SEMA3E: variants seen among roughly 807,000 people sequenced by gnomAD.
SEMA3E encodes semaphorin 3E, also known as semaphorin-3E.
SEMA3E carries 49 observed loss-of-function variants against 93.6 expected under a neutral mutation model. That is an observed-to-expected ratio of 0.52 (90% CI 0.42 to 0.66). The LOEUF is 0.66. SEMA3E is among the 30% of genes least tolerant of loss of function. SEMA3E has a pLI of 0.00. For missense variants in SEMA3E, 906 were observed against 964.8 expected, an observed-to-expected ratio of 0.94 and a Z score of 0.81; for synonymous variants, 363 against 330.7, an observed-to-expected ratio of 1.10 and a Z score of -1.06.
Position 83,408,348 on chromosome 7 carries a change from A to G in SEMA3E, c.670+20T>C, listed in dbSNP as rs746490516. ...AGTTGATTTCAATCCTAATTCACATACTCTTTTCCTCATCCTTACCTTTCA... is the reference window on the plus strand; with the variant it reads ...AGTTGATTTCAATCCTAATTCACATGCTCTTTTCCTCATCCTTACCTTTCA... On this transcript the variant is annotated intron_variant, in intron 6 of 16. Coordinates refer to ENST00000643230, the MANE Select transcript of SEMA3E (RefSeq NM_012431.3). The G allele has an allele frequency of 3.1e-6, 5 of 1,613,154 alleles. No individual in the cohort carries two copies. The highest frequency in any genetic ancestry group is 4.2e-6 in the Non-Finnish European group (5 of 1,179,614).
chr7:83,464,992 A>G (rs1240198135), intron 4 of SEMA3E, among the ~76,000 whole-genome samples: 5 of 140,408 alleles, frequency 3.6e-5, no homozygotes, highest in Admixed American at 7.6e-5. Flanking sequence ...GCACGTATAC[A>G]CCCAGATGGC....
chr7:83,443,032 C>A (rs1440838803), intron 4 of SEMA3E, among the ~76,000 whole-genome samples: 1 of 152,112 alleles, frequency 6.6e-6, no homozygotes, highest in African/African-American at 2.4e-5. Context: ...AGAGAAGAGA[C>A]TGTTGGAACT....
chr7:83,563,574 G>A (rs996506734), intron 1 of SEMA3E, among the ~76,000 whole-genome samples: 1 of 152,158 alleles, frequency 6.6e-6, no homozygotes, highest in African/African-American at 2.4e-5. Context: ...AAACTTTGGA[G>A]TGGGGCCCAG....
At chr7:83,623,122 A>G (rs970311877) in intron 1 of SEMA3E, among the ~76,000 whole-genome samples, 2 of 152,196 alleles carry the variant, frequency 1.3e-5, no homozygotes, top group African/African-American at 4.8e-5. Context: ...TTACCAAAAT[A>G]TCTTCTCATT....
chr7:83,387,100 C>G, intron 14 of SEMA3E, 50 bp from the exon 15 acceptor site: 2 of 1,510,396 alleles, frequency 1.3e-6, no homozygotes, highest in Non-Finnish European at 1.8e-6. Context: ...ATTTTCCAGA[C>G]TTTAAAATGC....
intron 2 of SEMA3E, among the ~76,000 whole-genome samples, chr7:83,471,556 A>G (rs2115900119): frequency 6.6e-6 from 1 of 152,166 alleles, no homozygotes; most frequent in Admixed American, 6.5e-5. Flanking sequence ...AGTTCATGCT[A>G]GGTGGCTGTA....
intron 1 of SEMA3E, among the ~76,000 whole-genome samples, chr7:83,615,678 C>T (rs1391416877): frequency 6.6e-6 from 1 of 152,100 alleles, no homozygotes; most frequent in African/African-American, 2.4e-5. Context: ...TTGCACCTAT[C>T]ACCCATACTT....
intron 1 of SEMA3E, among the ~76,000 whole-genome samples, chr7:83,508,263 CTTTTTTTT>C (rs1030827840): frequency 7.2e-6 from 1 of 138,714 alleles, no homozygotes; most frequent in Non-Finnish European, 1.6e-5. Flanking sequence ...TTTTCTTTTT[CTTTTTTTT>C]TTTTTTTGAA....
At chr7:83,535,810 T>TA (rs148258412) in intron 1 of SEMA3E, among the ~76,000 whole-genome samples, 6 of 152,172 alleles carry the variant, frequency 3.9e-5, no homozygotes, top group South Asian at 4.1e-4. Flanking sequence ...AAATAGTTTA[T>TA]AAAAAAATGC....
intron 1 of SEMA3E, among the ~76,000 whole-genome samples, chr7:83,600,018 A>ATAC (rs1182300790): frequency 1.3e-5 from 2 of 152,218 alleles, no homozygotes; most frequent in Non-Finnish European, 2.9e-5. Context: ...CCCATCAATC[A>ATAC]TACTACATAA....
At chr7:83,630,701 A>G (rs1793769121) in intron 1 of SEMA3E, among the ~76,000 whole-genome samples, 1 of 152,110 alleles carries the variant, frequency 6.6e-6, no homozygotes, top group Non-Finnish European at 1.5e-5. Context: ...ATGATGTTTT[A>G]CTCTTCTTAA....
chr7:83,368,209 CTGTGTG>C (rs1336086971), intron 16 of SEMA3E, among the ~76,000 whole-genome samples, 171 bp from the exon 17 acceptor site: 1 of 59,002 alleles, frequency 1.7e-5, no homozygotes, highest in African/African-American at 4.3e-5. Context: ...CTCTCTCTCT[CTGTGTG>C]TGTGTGTGTG....
Position 83,457,066 on chromosome 7 carries a change from C to T in SEMA3E, c.456+9416G>A, listed in dbSNP as rs185281860. 2.1e-4 allele frequency among the ~76,000 whole-genome samples: 32 copies of T among 152,206 alleles called. No individual in the cohort carries two copies. In the East Asian group the frequency reaches 5.6e-3, roughly 27 times the overall value. On this transcript the variant is annotated intron_variant, in intron 4 of 16. Coordinates refer to ENST00000643230, the MANE Select transcript of SEMA3E (RefSeq NM_012431.3). Reference sequence around the variant, plus strand: ...AAACTTTTCTTTTTCAAATGTAATTCGGATTTTGCACTAACCTGATTTGCC... The same window carrying T: ...AAACTTTTCTTTTTCAAATGTAATTTGGATTTTGCACTAACCTGATTTGCC...
intron 1 of SEMA3E, among the ~76,000 whole-genome samples, chr7:83,646,717 G>A (rs778490498): frequency 1.3e-5 from 2 of 151,866 alleles, no homozygotes; most frequent in Non-Finnish European, 2.9e-5. Flanking sequence ...AGATGAACTC[G>A]ATAATAGTAT....
chr7:83,534,395 T>C (rs1224636650), intron 1 of SEMA3E, among the ~76,000 whole-genome samples: 5 of 152,202 alleles, frequency 3.3e-5, no homozygotes, highest in African/African-American at 1.2e-4. Flanking sequence ...CTAAGGACTA[T>C]GGCTTTACCA....
intron 1 of SEMA3E, among the ~76,000 whole-genome samples, chr7:83,572,857 A>G (rs1033238071): frequency 1.3e-5 from 2 of 152,164 alleles, no homozygotes; most frequent in African/African-American, 4.8e-5. Context: ...TTTTTATCAT[A>G]TACAAGAATT....
chr7:83,528,587 C>T (rs1791218688), intron 1 of SEMA3E, among the ~76,000 whole-genome samples: 1 of 152,046 alleles, frequency 6.6e-6, no homozygotes, highest in Non-Finnish European at 1.5e-5. Flanking sequence ...ATTCAATTAT[C>T]TATACAGGCA....
intron 4 of SEMA3E, among the ~76,000 whole-genome samples, chr7:83,453,107 A>C (rs1421072234): frequency 9.9e-5 from 15 of 152,130 alleles, no homozygotes; most frequent in Non-Finnish European, 2.9e-5. Flanking sequence ...GGCTCACTGT[A>C]ACCTCTGCCT....
chr7:83,383,160 C>A (rs1787811764), intron 16 of SEMA3E, among the ~76,000 whole-genome samples: 1 of 151,286 alleles, frequency 6.6e-6, no homozygotes, highest in Non-Finnish European at 1.5e-5. Flanking sequence ...AAGCACTTAC[C>A]CAGGAGGTAA....
Sources: gnomAD v4.1 joint callset for allele counts (sites outside exome capture counted in the v4.1 genomes callset) on GRCh38, gnomAD v4.1.1 for gene constraint, MANE v1.5 for transcripts, NCBI Gene and HGNC (gene_info 2026-07-23, HGNC 2026-07-21) for gene names.